TRIM37: variants seen among roughly 807,000 people sequenced by gnomAD.
The protein encoded by TRIM37 is tripartite motif containing 37, also known as E3 ubiquitin-protein ligase TRIM37.
Under a neutral mutation model 129.8 loss-of-function variants are expected in TRIM37, and 80 were observed. The ratio of observed to expected loss-of-function variants is 0.62; its 90% confidence interval spans 0.51 to 0.74. TRIM37 has a LOEUF of 0.74. TRIM37 is among the 30% of genes least tolerant of loss of function. TRIM37 has a pLI of 0.00. For synonymous variants in TRIM37, 389 were observed against 387.1 expected (o/e 1.00, Z -0.06); for missense variants, 1,054 against 1,176.5 (o/e 0.90, Z 1.52).
intron 5 of TRIM37, among the ~76,000 whole-genome samples, chr17:59,082,577 CA>C (rs1438101460): frequency 6.6e-6 from 1 of 152,174 alleles, no homozygotes; most frequent in Non-Finnish European, 1.5e-5. Flanking sequence ...TTTTCCATCC[CA>C]CAGAGTTACT....
At chr17:59,001,021 C>G (rs949421200) in intron 23 of TRIM37, among the ~76,000 whole-genome samples, 4 of 151,870 alleles carry the variant, frequency 2.6e-5, no homozygotes, top group African/African-American at 9.7e-5. Flanking sequence ...GGTGAAACTC[C>G]ATCTCTACTA....
At chr17:59,056,716 C>CAAAAAA (rs869221576) in intron 13 of TRIM37, among the ~76,000 whole-genome samples, 159 bp downstream of exon 13, 3,659 of 38,016 alleles carry the variant, frequency 0.096, 1,270 homozygotes, top group Middle Eastern at 0.2. Context: ...ACTATGTCTC[C>CAAAAAA]AAAAAAAAAA....
intron 21 of TRIM37, 86 bp from the exon 22 acceptor site, chr17:59,012,532 G>C (rs1018471090): frequency 2.2e-6 from 2 of 897,598 alleles, no homozygotes; most frequent in African/African-American, 3.3e-5. Context: ...ACCAAACTAA[G>C]TAGGGTACGT....
intron 22 of TRIM37, among the ~76,000 whole-genome samples, chr17:59,003,922 TAA>T (rs60843441): frequency 2.0e-4 from 18 of 89,564 alleles, no homozygotes; most frequent in African/African-American, 3.0e-4. Context: ...CCCATCTCTA[TAA>T]AAAAAAAAAA....
chr17:58,997,889 C>A (rs550312274), downstream of TRIM37, among the ~76,000 whole-genome samples: 1 of 152,224 alleles, frequency 6.6e-6, no homozygotes, highest in Non-Finnish European at 1.5e-5. Flanking sequence ...GGGAAAACAG[C>A]GGTGTTCCCG....
At position 59,041,842 on chromosome 17, in the gene TRIM37, A is replaced by C; in HGVS notation, c.1724T>G (p.Met575Arg). Residue 575 changes from methionine to arginine, a missense_variant, in exon 17 of 24, where the codon ATG becomes AGG. Around this residue, in one of 3 missense-constraint regions of TRIM37, gnomAD observed 752 missense variants for 870.8 expected, o/e 0.86. Transcript: ENST00000262294. Reference protein sequence around the residue: ...NNMELEEGELMEDAAAAGPAG... With the variant: ...NNMELEEGELREDAAAAGPAG... ...GGGTCCTGCAGCAGCTGCATCTTCC[A>C]TGAGTTCTCCCTCTTCTAATTCCAT... 1 of 1,613,996 alleles carries C rather than the reference A, an allele frequency of 6.2e-7. No homozygotes were observed. Among genetic ancestry groups the C allele is most frequent in the South Asian group, 1.1e-5 (1 of 91,088 alleles).
chr17:58,992,991 C>T (rs760225383), intron 24 of TRIM37, among the ~76,000 whole-genome samples: 2 of 152,122 alleles, frequency 1.3e-5, no homozygotes, highest in Non-Finnish European at 2.9e-5. Context: ...TGGCTGTGTC[C>T]CCACCCAAAT....
Position 59,016,599 on chromosome 17 carries a change from C to CAA in TRIM37, c.2386+695_2386+696dup, listed in dbSNP as rs57582105. Among the ~76,000 whole-genome samples the CAA allele has an allele frequency of 1.9e-3, 40 of 20,770 alleles. 4 individuals are homozygous for CAA. Among genetic ancestry groups the CAA allele is most frequent in the South Asian group, 3.1e-3 (1 of 324 alleles). 13.6% of individuals were successfully genotyped at this position (20,770 alleles called of 152,430 possible). A position where few individuals can be genotyped will look rare whatever the true frequency, so the allele number is the denominator to read the frequency against. ...ACAATGTAGCAAAACCCTGTCTCGG[C>CAA]AAAAAAAAAAAAAAAAAAAAAAAAA... is the stretch of plus-strand genomic sequence containing the variant. On this transcript the variant is annotated intron_variant, in intron 20 of 23. Coordinates refer to ENST00000262294, the MANE Select transcript of TRIM37 (RefSeq NM_015294.6).
intron 8 of TRIM37, among the ~76,000 whole-genome samples, chr17:59,073,705 T>A (rs1182296001): frequency 6.6e-6 from 1 of 152,200 alleles, no homozygotes; most frequent in Non-Finnish European, 1.5e-5. Context: ...GCTGAGGCAA[T>A]CCTTCCACCT....
At position 59,012,334 on chromosome 17, in the gene TRIM37, C is replaced by T. The variant is rs2035388329; in HGVS notation, c.2689G>A (p.Glu897Lys). The part of the protein sequence containing the change: ...VLPEGASAAP[E>K]EGMSSDSDIE... ...TAAGTTTATCATTCCTTACCTTCTT[C>T]AGGGGCAGCTGAAGCTCCTTCAGGT... The change falls in exon 22 of 24, where the codon GAA (glutamate) becomes AAA (lysine). Residue 897 changes from glutamate to lysine, a missense_variant. Transcript: ENST00000262294. The T allele has an allele frequency of 6.3e-7, 1 of 1,597,994 alleles. No individual in the cohort carries two copies. Among genetic ancestry groups the T allele is most frequent in the Non-Finnish European group, 8.6e-7 (1 of 1,168,832 alleles).
the TRIM37 span, among the ~76,000 whole-genome samples, chr17:58,969,205 C>A: frequency 2.0e-5 from 3 of 152,110 alleles, no homozygotes; most frequent in African/African-American, 4.8e-5. Flanking sequence ...CCCTATCCCC[C>A]CTCCCCCAAC....
chr17:58,972,826 G>T, the TRIM37 span: 1 of 1,610,446 alleles, frequency 6.2e-7, no homozygotes, highest in Non-Finnish European at 8.5e-7. Flanking sequence ...TTGCATTGCT[G>T]TTTAGGATGA....
At chr17:59,096,658 T>C (rs1483822965) in intron 2 of TRIM37, among the ~76,000 whole-genome samples, 1 of 152,046 alleles carries the variant, frequency 6.6e-6, no homozygotes, top group Non-Finnish European at 1.5e-5. Flanking sequence ...GGGCTCATGA[T>C]TGATTAAATA....
chr17:59,001,729 G>A lies in TRIM37; in HGVS notation c.2696-15C>T. 1.2e-6 allele frequency: 2 copies of A among 1,613,676 alleles called. No individual in the cohort carries two copies. Among genetic ancestry groups the A allele is most frequent in the Non-Finnish European group, 1.7e-6 (2 of 1,179,906 alleles). On this transcript the variant is annotated splice_polypyrimidine_tract_variant and intron_variant, in intron 22 of 23. Coordinates refer to ENST00000262294, the MANE Select transcript of TRIM37 (RefSeq NM_015294.6). Reference sequence around the variant, plus strand: ...GCTACTCATTCCTGGCAGGAAGGAAGGAGAACATGTTTCTGAAAAGAAACC... The same window carrying A: ...GCTACTCATTCCTGGCAGGAAGGAAAGAGAACATGTTTCTGAAAAGAAACC...
At position 59,084,045 on chromosome 17, in the gene TRIM37, C is replaced by G. The variant is rs121908391; in HGVS notation, c.326G>C (p.Cys109Ser). The change falls in exon 5 of 24, where the codon TGT (cysteine) becomes TCT (serine). Residue 109 changes from cysteine (C) to serine (S), a missense_variant. By Grantham distance (112) the Cys-to-Ser change is moderately radical (BLOSUM62 -1). This residue lies in a region of TRIM37 where 752 missense variants were observed against 870.8 expected (regional missense o/e 0.86). Transcript: ENST00000262294. ...HEKLSVFCWT[C>S]KKCICHQCAL... ...ACACTGATGGCAGATACACTTCTTACAAGTCCAGCAAAATACACTAAGTTT... is the reference window on the plus strand; with the variant it reads ...ACACTGATGGCAGATACACTTCTTAGAAGTCCAGCAAAATACACTAAGTTT... 5 of 1,613,834 alleles carry G rather than the reference C, an allele frequency of 3.1e-6. No homozygotes were observed. Among genetic ancestry groups the G allele is most frequent in the Non-Finnish European group, 4.2e-6 (5 of 1,179,922 alleles).
At chr17:59,071,371 C>T (rs542598341) in intron 8 of TRIM37, among the ~76,000 whole-genome samples, 8 of 151,188 alleles carry the variant, frequency 5.3e-5, no homozygotes, top group South Asian at 2.1e-4. Flanking sequence ...CTGCAACCTC[C>T]GCCTCCTGGG....
intron 9 of TRIM37, among the ~76,000 whole-genome samples, chr17:59,066,736 A>G (rs1224346885): frequency 2.0e-5 from 3 of 152,202 alleles, no homozygotes; most frequent in Non-Finnish European, 4.4e-5. Context: ...TAGTATAATG[A>G]CAAATTAGTG....
intron 23 of TRIM37, among the ~76,000 whole-genome samples, chr17:59,000,208 T>A (rs1285408212): frequency 6.6e-6 from 1 of 152,200 alleles, no homozygotes; most frequent in Non-Finnish European, 1.5e-5. Flanking sequence ...ATCCACATGA[T>A]AGAATATTAG....
intron 4 of TRIM37, among the ~76,000 whole-genome samples, chr17:59,085,895 C>G (rs1394561479): frequency 6.6e-6 from 1 of 152,092 alleles, no homozygotes; most frequent in Non-Finnish European, 1.5e-5. Context: ...CATGGATGAA[C>G]CTTGAGGACA....
Sources: gnomAD v4.1 joint callset for allele counts (sites outside exome capture counted in the v4.1 genomes callset) on GRCh38, gnomAD v4.1.1 for gene constraint, gnomAD v4.1.1 regional missense constraint, MANE v1.5 for transcripts, NCBI Gene and HGNC (gene_info 2026-07-23, HGNC 2026-07-21) for gene names.